The following PIP5K1B variants were observed in gnomAD, a reference collection of about 807,000 sequenced individuals.
The protein encoded by PIP5K1B is phosphatidylinositol-4-phosphate 5-kinase type 1 beta, also known as phosphatidylinositol 4-phosphate 5-kinase type-1 beta.
A neutral mutation model predicts 67.0 loss-of-function variants in PIP5K1B; 42 were observed. The observed-to-expected ratio is 0.63, with a 90% confidence interval of 0.49 to 0.81. The LOEUF (loss-of-function observed/expected upper bound fraction) is 0.81. Ranked by LOEUF, PIP5K1B falls within the 30% of genes least tolerant of loss-of-function variation. The pLI is 0.00. For synonymous variants in PIP5K1B, 214 were observed against 231.4 expected (o/e 0.92, Z 0.68); for missense variants, 459 against 646.3 (o/e 0.71, Z 3.14).
intron 4 of PIP5K1B, among the ~76,000 whole-genome samples, chr9:68,850,487 C>G (rs1003182255): frequency 1.3e-5 from 2 of 152,180 alleles, no homozygotes; most frequent in African/African-American, 4.8e-5. Flanking sequence ...TGTGACAACC[C>G]AAATTGTCTC....
rs1156945886 is a variant in PIP5K1B, at chr9:68,935,056, G to C, written c.1357+11G>C. ...GCCTTGATGAAGAAGGTAAAGATAT[G>C]TAACTTTTTTAAAAAGACAAACGTT... is the stretch of plus-strand genomic sequence containing the variant. On this transcript the variant is annotated intron_variant, in intron 13 of 15. Coordinates refer to ENST00000265382, the MANE Select transcript of PIP5K1B (RefSeq NM_003558.4). 6.2e-7 allele frequency: 1 copy of C among 1,605,862 alleles called. No individual in the cohort carries two copies. The highest frequency in any genetic ancestry group is 8.5e-7 in the Non-Finnish European group (1 of 1,176,728).
At chr9:68,734,818 A>G (rs940553368) in intron 1 of PIP5K1B, among the ~76,000 whole-genome samples, 1 of 152,242 alleles carries the variant, frequency 6.6e-6, no homozygotes, top group Non-Finnish European at 1.5e-5. Context: ...GCAGCCCATC[A>G]TTTGATTGTT....
chr9:68,830,293 C>A (rs972269184), intron 4 of PIP5K1B, among the ~76,000 whole-genome samples: 1 of 152,096 alleles, frequency 6.6e-6, no homozygotes. Flanking sequence ...GTCAGATCAC[C>A]CCTCCAAACA....
intron 4 of PIP5K1B, among the ~76,000 whole-genome samples, chr9:68,850,219 C>T (rs1329155899): frequency 2.0e-5 from 3 of 152,206 alleles, no homozygotes; most frequent in Non-Finnish European, 4.4e-5. Flanking sequence ...CTGGTGAGGA[C>T]GTGACCTAGG....
chr9:68,902,955 G>A (rs1400727114), intron 8 of PIP5K1B, among the ~76,000 whole-genome samples: 2 of 152,206 alleles, frequency 1.3e-5, no homozygotes, highest in African/African-American at 4.8e-5. Context: ...TTTAGTGCCT[G>A]GTGATATGCC....
intron 6 of PIP5K1B, among the ~76,000 whole-genome samples, chr9:68,877,951 T>A (rs10781249): frequency 0.4 from 60,254 of 151,480 alleles, 12,708 homozygotes; most frequent in Middle Eastern, 0.49. Flanking sequence ...CCCCTTTCAT[T>A]GAAGCCTCAG....
chr9:68,822,770 C>A, intron 4 of PIP5K1B, 87 bp downstream of exon 4: 2 of 909,288 alleles, frequency 2.2e-6, no homozygotes, highest in South Asian at 1.4e-5. Flanking sequence ...TTCTCCCAAG[C>A]AGTTGTAAGT....
intron 4 of PIP5K1B, among the ~76,000 whole-genome samples, chr9:68,857,648 T>C (rs1056241251): frequency 5.9e-5 from 9 of 152,152 alleles, no homozygotes; most frequent in African/African-American, 2.2e-4. Context: ...GGAGAATCTC[T>C]TGAGGTCAGG....
At chr9:68,962,034 T>G (rs1257182716) in intron 14 of PIP5K1B, among the ~76,000 whole-genome samples, 1 of 152,224 alleles carries the variant, frequency 6.6e-6, no homozygotes, top group African/African-American at 2.4e-5. Context: ...ATCAAGTGTG[T>G]TCTAGGCTTT....
chr9:68,800,050 G>C (rs7031413), intron 2 of PIP5K1B, among the ~76,000 whole-genome samples: 2,139 of 152,216 alleles, frequency 0.014, 53 homozygotes, highest in African/African-American at 0.049. Context: ...AAAAAATAAG[G>C]AGCCTGATTG....
chr9:68,917,875 G>A (rs1156947539), intron 9 of PIP5K1B, 116 bp downstream of exon 9: 3 of 726,612 alleles, frequency 4.1e-6, no homozygotes, highest in African/African-American at 1.8e-5. Flanking sequence ...TTTCTACTTG[G>A]TGCTAAAATG....
At chr9:68,984,436 TAGAA>T (rs1381482563) in intron 14 of PIP5K1B, among the ~76,000 whole-genome samples, 4 of 152,210 alleles carry the variant, frequency 2.6e-5, no homozygotes, top group Admixed American at 1.3e-4. Flanking sequence ...GGATAACAAA[TAGAA>T]AGATTAATTA....
intron 5 of PIP5K1B, among the ~76,000 whole-genome samples, chr9:68,875,312 A>C (rs1398314001): frequency 2.7e-5 from 4 of 150,704 alleles, no homozygotes; most frequent in African/African-American, 7.3e-5. Context: ...AAAAAAAAAA[A>C]AAAAAAAAAA....
At chr9:69,007,253 C>G (rs771596373) in intron 15 of PIP5K1B, among the ~76,000 whole-genome samples, 1 of 152,176 alleles carries the variant, frequency 6.6e-6, no homozygotes, top group African/African-American at 2.4e-5. Flanking sequence ...TAATAATTTT[C>G]AGTTATTTCA....
At chr9:68,873,855 A>G (rs1452928551) in intron 5 of PIP5K1B, among the ~76,000 whole-genome samples, 1 of 152,208 alleles carries the variant, frequency 6.6e-6, no homozygotes, top group East Asian at 1.9e-4. Context: ...TATAAAATCC[A>G]TCATCTTAAC....
intron 4 of PIP5K1B, among the ~76,000 whole-genome samples, chr9:68,830,960 C>T (rs1834282880): frequency 6.6e-6 from 1 of 152,202 alleles, no homozygotes; most frequent in Admixed American, 6.5e-5. Context: ...CACTACCTGC[C>T]CTCCTTTGCC....
rs1447453247 is a variant in PIP5K1B, at chr9:68,920,357, G to GT, written c.1116+629dup. The stretch of plus-strand genomic sequence containing the variant: ...TTATACATGCTGGCTGCCTGAGGTT[G>GT]TCTTTTTTTTTTTTTTTTTTTTTTT... On this transcript the variant is annotated intron_variant, in intron 11 of 15. Coordinates refer to ENST00000265382, the MANE Select transcript of PIP5K1B (RefSeq NM_003558.4). Among the ~76,000 whole-genome samples, 32 of 79,100 alleles carry GT rather than the reference G, an allele frequency of 4.0e-4. 11 individuals are homozygous for GT. Among genetic ancestry groups the GT allele is most frequent in the South Asian group, 9.3e-4 (2 of 2,158 alleles). 51.9% of individuals were successfully genotyped at this position (79,100 alleles called of 152,430 possible). A position where few individuals can be genotyped will look rare whatever the true frequency, so the allele number is the denominator to read the frequency against.
At chr9:68,956,696 A>G (rs567493840) in intron 14 of PIP5K1B, among the ~76,000 whole-genome samples, 1 of 152,350 alleles carries the variant, frequency 6.6e-6, no homozygotes, top group Admixed American at 6.5e-5. Context: ...TCCATTGACA[A>G]GCAGCATTGA....
At position 68,746,468 on chromosome 9, in the gene PIP5K1B, CCT is replaced by C. The variant is rs145073023; in HGVS notation, c.-86+3818_-86+3819del. 5.9e-4 allele frequency among the ~76,000 whole-genome samples: 90 copies of C among 152,230 alleles called. No individual in the cohort carries two copies. In the East Asian group the frequency reaches 0.016, roughly 27 times the overall value. ...CATCATCTCCCCTCACCCTTTCTCT[CCT>C]CTCTCTGTCTCACTTTCTCTTTCCC... is the stretch of plus-strand genomic sequence containing the variant. On this transcript the variant is annotated intron_variant, in intron 2 of 15. Transcript: ENST00000265382.
Sources: gnomAD v4.1 joint callset for allele counts (sites outside exome capture counted in the v4.1 genomes callset) on GRCh38, gnomAD v4.1.1 for gene constraint, MANE v1.5 for transcripts, NCBI Gene and HGNC (gene_info 2026-07-23, HGNC 2026-07-21) for gene names.